SIN3B: variants seen among roughly 807,000 people sequenced by gnomAD.
SIN3B encodes the protein paired amphipathic helix protein Sin3b.
Under a neutral mutation model 120.2 loss-of-function variants are expected in SIN3B, and 19 were observed. The ratio of observed to expected loss-of-function variants is 0.16; its 90% CI spans 0.11 to 0.23. The LOEUF is 0.23. SIN3B is among the 10% of genes least tolerant of loss of function. The pLI is 1.00. For missense variants in SIN3B, 1,073 were observed against 1,573.0 expected, an observed-to-expected ratio of 0.68 and a Z score of 5.38; for synonymous variants, 654 against 653.2, an observed-to-expected ratio of 1.00 and a Z score of -0.02.
At chr19:16,853,043 T>TTC (rs752318606) in intron 6 of SIN3B, 26 bp from the exon 7 acceptor site, 10 of 1,604,012 alleles carry the variant, frequency 6.2e-6, no homozygotes, top group Non-Finnish European at 8.5e-6. Context: ...GGCACAGTGT[T>TTC]AACTGCATAG....
intron 8 of SIN3B, among the ~76,000 whole-genome samples, chr19:16,856,633 G>A (rs190047177): frequency 4.6e-5 from 7 of 151,796 alleles, no homozygotes; most frequent in South Asian, 2.1e-4. Flanking sequence ...GTGCAGTGGC[G>A]CGATCTTGGC....
Position 16,862,659 on chromosome 19 carries a change from C to A in SIN3B, c.1266+100C>A. 8.0e-7 allele frequency: 1 copy of A among 1,250,444 alleles called. No individual in the cohort carries two copies. The highest frequency in any genetic ancestry group is 1.1e-6 in the Non-Finnish European group (1 of 871,152). 77.5% of individuals were successfully genotyped at this position (1,250,444 alleles called of 1,614,324 possible). ...CCCGTTATGAATGAAATGCTGTGTGCTCAGCCCTCCTGAATGTTGGGTTAT... is the reference window on the plus strand; with the variant it reads ...CCCGTTATGAATGAAATGCTGTGTGATCAGCCCTCCTGAATGTTGGGTTAT... On this transcript the variant is annotated intron_variant, in intron 9 of 18. Coordinates refer to ENST00000248054, the MANE Select transcript of SIN3B (RefSeq NM_001297595.2). This position sits in a 1 kb window ranked among gnomAD's most constrained non-coding sequence, Gnocchi z 4.7.
Position 16,829,597 on chromosome 19 carries a change from G to A in SIN3B, c.120+57G>A, listed in dbSNP as rs529262466. 3.9e-3 allele frequency: 4,956 copies of A among 1,255,328 alleles called. 172 individuals carry two copies. The African/African-American group carries it at 0.07, about 18-fold the overall frequency. The allele number at this position is 1,255,328 out of a possible 1,614,324, so 77.8% of individuals were successfully genotyped here. ...CCCATCTTCTGGACCCCGCGGGCGG[G>A]CGCCCCTCACCCAGGCCCCGCCCGG... On this transcript the variant is annotated intron_variant, in intron 1 of 18. Coordinates refer to ENST00000248054, the MANE Select transcript of SIN3B (RefSeq NM_001297595.2).
At chr19:16,845,447 A>G (rs1289062343) in intron 4 of SIN3B, among the ~76,000 whole-genome samples, 2 of 151,916 alleles carry the variant, frequency 1.3e-5, no homozygotes, top group African/African-American at 4.8e-5. Flanking sequence ...TAATTTTTGT[A>G]TTTTTAGTAG....
intron 8 of SIN3B, among the ~76,000 whole-genome samples, chr19:16,861,854 G>A (rs973396546): frequency 3.3e-5 from 5 of 152,056 alleles, no homozygotes; most frequent in African/African-American, 9.7e-5. Context: ...AGGATCTCTT[G>A]AGCCCACGAG....
intron 3 of SIN3B, among the ~76,000 whole-genome samples, chr19:16,837,704 C>T (rs900903593): frequency 6.7e-6 from 1 of 149,958 alleles, no homozygotes; most frequent in Non-Finnish European, 1.5e-5. Context: ...GACAGAGTGA[C>T]TGGTGACAAG....
At position 16,865,509 on chromosome 19, in the gene SIN3B, C is replaced by T. The variant is rs1397319820; in HGVS notation, c.1483C>T (p.Arg495Trp). 1.2e-5 allele frequency: 20 copies of T among 1,613,576 alleles called. No individual in the cohort carries two copies. Among genetic ancestry groups the T allele is most frequent in the South Asian group, 5.5e-5 (5 of 91,060 alleles). Residue 495 changes from arginine (R) to tryptophan (W), a missense_variant, in exon 11 of 19, where the codon CGG (arginine) becomes TGG (tryptophan). Around this residue, in one of 7 missense-constraint regions of SIN3B, gnomAD observed 118 missense variants for 281.6 expected, o/e 0.42. Coordinates refer to ENST00000248054, the MANE Select transcript of SIN3B (RefSeq NM_001297595.2). ...GGCGCCGGAAGACCAGGAGAAGTTC[C>T]GGCTGGACGACTCCCTGGGAGGCAC... ...RMAPEDQEKF[R>W]LDDSLGGTSE...
At chr19:16,875,664 CTGTT>C (rs1359869366) in intron 14 of SIN3B, among the ~76,000 whole-genome samples, 2 of 136,184 alleles carry the variant, frequency 1.5e-5, no homozygotes, top group South Asian at 2.4e-4. Flanking sequence ...CTGGTCTGGT[CTGTT>C]TGGTCTGGTC....
intron 14 of SIN3B, among the ~76,000 whole-genome samples, chr19:16,871,950 C>T (rs534492001): frequency 6.6e-6 from 1 of 152,214 alleles, no homozygotes; most frequent in South Asian, 2.1e-4. Context: ...AACCTTAACC[C>T]ACTTATCCTG....
At chr19:16,874,113 G>A (rs146721199) in intron 14 of SIN3B, among the ~76,000 whole-genome samples, 3 of 152,334 alleles carry the variant, frequency 2.0e-5, no homozygotes, top group African/African-American at 4.8e-5. Flanking sequence ...TCCTTCTTCA[G>A]TGCAAAGGTA....
At chr19:16,870,205 G>A (rs933536996) in intron 13 of SIN3B, 130 bp downstream of exon 13, 9 of 1,133,528 alleles carry the variant, frequency 7.9e-6, no homozygotes, top group Admixed American at 2.9e-5. Flanking sequence ...GATTTCAAAT[G>A]GGAAATTGCA....
intron 17 of SIN3B, 66 bp downstream of exon 17, chr19:16,877,705 C>CAGCCCCCG: frequency 8.8e-7 from 1 of 1,133,358 alleles, no homozygotes; most frequent in Non-Finnish European, 1.3e-6. Flanking sequence ...CCCCTTTGTC[C>CAGCCCCCG]TGACGGGGGC....
At position 16,878,234 on chromosome 19, in the gene SIN3B, G is replaced by A. The variant is rs760286686; in HGVS notation, c.3006G>A (p.Leu1002=). 4.4e-6 allele frequency: 7 copies of A among 1,598,392 alleles called. No individual in the cohort carries two copies. Among genetic ancestry groups the A allele is most frequent in the Admixed American group, 3.4e-5 (2 of 58,090 alleles). Residue 1002 remains leucine (L), a synonymous_variant, in exon 18 of 19, where the codon CTG becomes CTA. Transcript: ENST00000248054. The part of the protein sequence containing the change: ...RRWQSEQARA[L]RGEARSSWKR... Reference sequence around the variant, plus strand: ...GGCAGAGCGAGCAGGCGCGGGCCCTGCGCGGTGAGGCCAGGAGCTCCTGGA... The same window carrying A: ...GGCAGAGCGAGCAGGCGCGGGCCCTACGCGGTGAGGCCAGGAGCTCCTGGA...
chr19:16,837,534 T>G (rs1599589329), intron 3 of SIN3B, among the ~76,000 whole-genome samples: 1 of 144,530 alleles, frequency 6.9e-6, no homozygotes, highest in African/African-American at 2.6e-5. Context: ...GGCGACAGAG[T>G]GGATGGTGAC....
intron 3 of SIN3B, among the ~76,000 whole-genome samples, chr19:16,835,017 C>T (rs1353646934): frequency 6.6e-6 from 1 of 151,632 alleles, no homozygotes; most frequent in Admixed American, 6.6e-5. Flanking sequence ...TCCTCTGCCT[C>T]CCCAGTTCAA....
At position 16,879,073 on chromosome 19, in the gene SIN3B, G is replaced by A. The variant is rs956132503; in HGVS notation, c.*346G>A. ...GGCTCCTGCCCCATATTCTTGCCGTGTCTTGGAAAAGTCACAGGTGACAGC... is the reference window on the plus strand; with the variant it reads ...GGCTCCTGCCCCATATTCTTGCCGTATCTTGGAAAAGTCACAGGTGACAGC... On this transcript the variant is annotated 3_prime_UTR_variant, in exon 19 of 19. Transcript: ENST00000248054. 2.4e-5 allele frequency: 8 copies of A among 332,160 alleles called. No homozygotes were observed. Among genetic ancestry groups the A allele is most frequent in the African/African-American group, 1.7e-4 (8 of 46,468 alleles). The allele number at this position is 332,160 out of a possible 1,614,324, so 20.6% of individuals were successfully genotyped here. A position where few individuals can be genotyped will look rare whatever the true frequency, so the allele number is the denominator to read the frequency against.
chr19:16,878,085 ATCT>A (rs1262514040), intron 17 of SIN3B, 95 bp from the exon 18 acceptor site: 1 of 1,040,076 alleles, frequency 9.6e-7, no homozygotes, highest in South Asian at 1.7e-5. Context: ...GAGGTAGCAC[ATCT>A]TCTGATGGTC....
intron 8 of SIN3B, 43 bp downstream of exon 8, chr19:16,854,304 C>A (rs201319762): frequency 4.1e-6 from 5 of 1,223,484 alleles, no homozygotes; most frequent in Non-Finnish European, 4.7e-6. Context: ...GGGTTCTGTT[C>A]CTGTCAACTC....
At chr19:16,877,375 A>T in intron 16 of SIN3B, 170 bp from the exon 17 acceptor site, 1 of 601,406 alleles carries the variant, frequency 1.7e-6, no homozygotes, top group South Asian at 2.0e-5. Context: ...CAAGAGCTAT[A>T]GTCTGTTGGG....
Sources: allele counts gnomAD v4.1 joint callset (sites outside exome capture counted in the v4.1 genomes callset), GRCh38; gene constraint gnomAD v4.1.1; regional missense constraint gnomAD v4.1.1; non-coding constraint Gnocchi (gnomAD v3.1); transcripts MANE v1.5; gene names NCBI Gene and HGNC (gene_info 2026-07-23, HGNC 2026-07-21).